Variants in MACC1 observed in about 807,000 individuals in gnomAD.
MACC1 encodes metastasis-associated in colon cancer protein 1.
Under a neutral mutation model 70.7 loss-of-function variants are expected in MACC1, and 79 were observed. The ratio of observed to expected loss-of-function variants is 1.12; its 90% CI spans 0.93 to 1.35. The LOEUF (loss-of-function observed/expected upper bound fraction) is 1.35, where lower values mean the gene tolerates loss of function less well. Among genes scored for constraint, MACC1 ranks in the 40% most tolerant of loss-of-function variants. The pLI, the probability that MACC1 is intolerant of heterozygous loss-of-function variation, is 0.00. For synonymous variants in MACC1, 361 were observed against 347.2 expected, an observed-to-expected ratio of 1.04 and a Z score of -0.44; for missense variants, 1,106 against 978.1, an observed-to-expected ratio of 1.13 and a Z score of -1.74.
intron 1 of MACC1, chr7:20,198,768 C>CT (rs1239657894): frequency 2.6e-5 from 4 of 152,102 alleles, no homozygotes; most frequent in Non-Finnish European, 2.9e-5. Context: ...TCCCATGCAC[C>CT]ACAAGGAGAC....
chr7:20,190,296 A>G (rs1782653360), intron 1 of MACC1, among the ~76,000 whole-genome samples: 1 of 152,182 alleles, frequency 6.6e-6, no homozygotes, highest in Non-Finnish European at 1.5e-5. Flanking sequence ...AGATAATTGC[A>G]ATCATGGCAA....
At chr7:20,183,416 G>A (rs1782540212) in intron 1 of MACC1, among the ~76,000 whole-genome samples, 1 of 152,152 alleles carries the variant, frequency 6.6e-6, no homozygotes, top group Non-Finnish European at 1.5e-5. Context: ...GGAGAATTCG[G>A]TTCAAATGAC....
In MACC1 at chr7:20,159,668, G is replaced by A; in HGVS notation, c.693C>T (p.Asp231=). 1 of 1,614,160 alleles carries A rather than the reference G, an allele frequency of 6.2e-7. No individual in the cohort carries two copies. The highest frequency in any genetic ancestry group is 8.5e-7 in the Non-Finnish European group (1 of 1,180,024). Residue 231 remains aspartate (D), a synonymous_variant, in exon 5 of 7, where the codon GAC becomes GAT. Transcript: ENST00000400331. ...QGGSVQLPES[D]ITVHVPQGHV... is the part of the protein sequence containing the mutation. ...GACCTTGGGGCACATGAACAGTGATGTCTGATTCAGGTAATTGTACTGACC... is the reference window on the plus strand; with the variant it reads ...GACCTTGGGGCACATGAACAGTGATATCTGATTCAGGTAATTGTACTGACC...
intron 1 of MACC1, among the ~76,000 whole-genome samples, chr7:20,173,655 T>C (rs1205737241): frequency 6.6e-6 from 1 of 152,234 alleles, no homozygotes; most frequent in Non-Finnish European, 1.5e-5. Flanking sequence ...TGTGTTTGCC[T>C]AGCATTATCT....
chr7:20,193,649 C>A (rs7780032), intron 1 of MACC1, among the ~76,000 whole-genome samples: 22,699 of 152,194 alleles, frequency 0.15, 1,790 homozygotes, highest in African/African-American at 0.16. Flanking sequence ...GAATGACTGC[C>A]ATGCCCAAAG....
rs1015398802 is a variant in MACC1, at chr7:20,163,716, A to G, written c.-9+540T>C. Reference sequence around the variant, plus strand: ...ACAACATTGAAAAACAGGTATTATAAATATGACTTTCAGAGTCTCAGCAAT... The same window carrying G: ...ACAACATTGAAAAACAGGTATTATAGATATGACTTTCAGAGTCTCAGCAAT... On this transcript the variant is annotated intron_variant, in intron 3 of 6. Coordinates refer to ENST00000400331, the MANE Select transcript of MACC1 (RefSeq NM_182762.4). Among the ~76,000 whole-genome samples the G allele has an allele frequency of 2.0e-5, 3 of 152,182 alleles. No homozygotes were observed. The South Asian group carries it at 6.2e-4, about 32-fold the overall frequency.
intron 1 of MACC1, among the ~76,000 whole-genome samples, chr7:20,176,003 A>G (rs1782387498): frequency 6.6e-6 from 1 of 152,092 alleles, no homozygotes; most frequent in South Asian, 2.1e-4. Context: ...CTTCAGTATT[A>G]TTGCACCTCT....
Position 20,160,066 on chromosome 7 carries a change from C to G in MACC1, c.295G>C (p.Asp99His). 6.2e-7 allele frequency: 1 copy of G among 1,609,064 alleles called. No individual in the cohort carries two copies. Among genetic ancestry groups the G allele is most frequent in the Non-Finnish European group, 8.5e-7 (1 of 1,178,178 alleles). ...KRNNISILKE[D>H]PFLFCREIEN... ...ATTTCTCTACAGAAAAGAAAAGGAT[C>G]TTCCTTTAAGATGGAAATATTATTT... Residue 99 changes from aspartate to histidine, a missense_variant, in exon 5 of 7, where the codon GAT becomes CAT. By Grantham distance (81) the Asp-to-His change is moderately conservative. Transcript: ENST00000400331.
At chr7:20,193,861 C>G (rs1782708851) in intron 1 of MACC1, among the ~76,000 whole-genome samples, 2 of 151,424 alleles carry the variant, frequency 1.3e-5, no homozygotes, top group African/African-American at 4.9e-5. Context: ...TCACTGTTCT[C>G]CAACCCCGGC....
At chr7:20,150,875 C>A (rs1197599366) in intron 6 of MACC1, among the ~76,000 whole-genome samples, 2 of 151,770 alleles carry the variant, frequency 1.3e-5, no homozygotes, top group African/African-American at 2.4e-5. Context: ...GGTGAAACAC[C>A]CATCTCTACT....
At chr7:20,178,703 G>A (rs1262677239) in intron 1 of MACC1, among the ~76,000 whole-genome samples, 1 of 152,098 alleles carries the variant, frequency 6.6e-6, no homozygotes, top group Non-Finnish European at 1.5e-5. Context: ...GGGTTCAAGC[G>A]ATTCTTCTGC....
intron 3 of MACC1, among the ~76,000 whole-genome samples, 199 bp downstream of exon 3, chr7:20,164,057 C>T (rs1782176036): frequency 6.6e-6 from 1 of 152,140 alleles, no homozygotes; most frequent in Admixed American, 6.5e-5. Flanking sequence ...ATGCCTGAGC[C>T]TCCAGAGTAG....
In MACC1 at chr7:20,136,041, G is replaced by T. The variant is rs1347044380; in HGVS notation, c.*4905C>A. On this transcript the variant is annotated 3_prime_UTR_variant, in exon 7 of 7. Transcript: ENST00000400331. ...ACATTCTCTTTTCTCAAAGCAAAAA[G>T]AATAAAGAAAAACGCAATACATTCT... 2 of 152,078 alleles carry T rather than the reference G, an allele frequency of 1.3e-5. No individual in the cohort carries two copies. The highest frequency in any genetic ancestry group is 3.8e-4 in the East Asian group (2 of 5,196). 9.4% of individuals were successfully genotyped at this position (152,078 alleles called of 1,614,324 possible).
At chr7:20,187,741 C>T (rs6956069) in intron 1 of MACC1, among the ~76,000 whole-genome samples, 4,140 of 152,232 alleles carry the variant, frequency 0.027, 207 homozygotes, top group African/African-American at 0.095. Flanking sequence ...CTTCATGCTG[C>T]CAGACAATGC....
At chr7:20,174,276 C>A (rs1411626560) in intron 1 of MACC1, among the ~76,000 whole-genome samples, 1 of 152,072 alleles carries the variant, frequency 6.6e-6, no homozygotes, top group Non-Finnish European at 1.5e-5. Context: ...GGGAAGCTTT[C>A]CCCAATCAGC....
intron 1 of MACC1, among the ~76,000 whole-genome samples, chr7:20,200,969 T>C (rs1782824723): frequency 6.6e-6 from 1 of 152,212 alleles, no homozygotes; most frequent in African/African-American, 2.4e-5. Flanking sequence ...CCTCTCCCTA[T>C]TAAAAACTTC....
chr7:20,143,089 A>C (rs926200417), intron 6 of MACC1, among the ~76,000 whole-genome samples: 1 of 152,228 alleles, frequency 6.6e-6, no homozygotes, highest in Admixed American at 6.5e-5. Flanking sequence ...CTACAGATTC[A>C]AATACTTTTA....
At position 20,169,106 on chromosome 7, in the gene MACC1, C is replaced by T. The variant is rs189141679; in HGVS notation, c.-153+1608G>A. Among the ~76,000 whole-genome samples, 9 of 152,254 alleles carry T rather than the reference C, an allele frequency of 5.9e-5. No homozygotes were observed. The East Asian group carries it at 1.7e-3, about 29-fold the overall frequency. On this transcript the variant is annotated intron_variant, in intron 2 of 6. Transcript: ENST00000400331. ...AGCATACATTTCCAACTTTCAAGGC[C>T]ACAGAGCAAAGCTGTAGTACTTTCA... is the stretch of plus-strand genomic sequence containing the variant.
chr7:20,158,955 T>C lies in MACC1; in HGVS notation c.1406A>G (p.Gln469Arg). The stretch of plus-strand genomic sequence containing the variant: ...GTGCTCAACTAAAGAAAATAAAAAT[T>C]GTTGATGAACTACTTCACCTGCTTC... ...QLEAGEVVHQ[Q>R]FLFSLVEHRE... Residue 469 changes from glutamine to arginine, a missense_variant, in exon 5 of 7, where the codon CAA (glutamine) becomes CGA (arginine). Transcript: ENST00000400331. 1.2e-6 allele frequency: 2 copies of C among 1,613,998 alleles called. No homozygotes were observed. Among genetic ancestry groups the C allele is most frequent in the East Asian group, 4.5e-5 (2 of 44,866 alleles).
Sources: allele counts gnomAD v4.1 joint callset (sites outside exome capture counted in the v4.1 genomes callset), GRCh38; gene constraint gnomAD v4.1.1; transcripts MANE v1.5; gene names NCBI Gene and HGNC (gene_info 2026-07-23, HGNC 2026-07-21).